Variants in ARF1 observed in about 807,000 individuals in gnomAD.
ARF1 encodes ADP-ribosylation factor 1.
Under a neutral mutation model 18.0 loss-of-function variants are expected in ARF1, and 1 was observed. The observed-to-expected ratio is 0.06, with a 90% CI of 0.02 to 0.26. The LOEUF (loss-of-function observed/expected upper bound fraction) is 0.26, where lower values mean the gene tolerates loss of function less well. Ranked by LOEUF, ARF1 falls within the 10% of genes least tolerant of loss-of-function variation. The probability of loss-of-function intolerance (pLI) is 1.00; values close to 1 mark genes in which losing one functional copy is unlikely to be tolerated. For synonymous variants in ARF1, 112 were observed against 96.3 expected (o/e 1.16, Z -0.95); for missense variants, 73 against 247.2 (o/e 0.30, Z 4.73).
intron 1 of ARF1, among the ~76,000 whole-genome samples, chr1:228,087,924 A>C (rs950305477): frequency 6.6e-6 from 1 of 152,210 alleles, no homozygotes; most frequent in African/African-American, 2.4e-5. Flanking sequence ...GGGAAAGCAC[A>C]TCTGCAGATG....
intron 1 of ARF1, among the ~76,000 whole-genome samples, chr1:228,087,433 T>C (rs1360638632): frequency 1.3e-5 from 2 of 152,222 alleles, no homozygotes; most frequent in Admixed American, 6.5e-5. Context: ...TAAAATACTA[T>C]GAATACATCT....
At chr1:228,085,039 A>T (rs2032349937) in intron 1 of ARF1, among the ~76,000 whole-genome samples, 1 of 152,224 alleles carries the variant, frequency 6.6e-6, no homozygotes, top group Admixed American at 6.5e-5. Context: ...TCACCTCCGT[A>T]AATTCAAGAG....
At chr1:228,085,097 A>G (rs2032351467) in intron 1 of ARF1, among the ~76,000 whole-genome samples, 1 of 152,258 alleles carries the variant, frequency 6.6e-6, no homozygotes, top group South Asian at 2.1e-4. Context: ...GGAGAGAAAC[A>G]CGAAAAGGCC....
At chr1:228,095,418 G>C (rs1041648684) in intron 1 of ARF1, among the ~76,000 whole-genome samples, 1 of 152,216 alleles carries the variant, frequency 6.6e-6, no homozygotes, top group Admixed American at 6.5e-5. Flanking sequence ...CCCTGCTGCA[G>C]CTGCTCCCCT....
At position 228,089,415 on chromosome 1, in the gene ARF1, G is replaced by A. The variant is rs1002329854; in HGVS notation, c.-38+6650G>A. 1.3e-5 allele frequency among the ~76,000 whole-genome samples: 2 copies of A among 152,210 alleles called. No individual in the cohort carries two copies. Among genetic ancestry groups the A allele is most frequent in the Non-Finnish European group, 2.9e-5 (2 of 68,034 alleles). On this transcript the variant is annotated intron_variant, in intron 1 of 4. Transcript: ENST00000272102. This position sits in a 1 kb window ranked among gnomAD's most constrained non-coding sequence, Gnocchi z 4.1. ...TACATGTCTGACTGACCAGAGTGGG[G>A]TGGGGTGGCAAGGTGGTGCTCGTCC...
chr1:228,098,221 T>A lies in ARF1; in HGVS notation c.*208T>A. On this transcript the variant is annotated 3_prime_UTR_variant, in exon 5 of 5. Transcript: ENST00000272102. ...TTGTTTCCAATGAGGCAGTTTCTGG[T>A]ACTCCTATGCAATATTACTCAGCTT... The A allele has an allele frequency of 1.8e-6, 1 of 547,790 alleles. No homozygotes were observed. The allele number at this position is 547,790 out of a possible 1,614,324, so 33.9% of individuals were successfully genotyped here.
At position 228,089,832 on chromosome 1, in the gene ARF1, A is replaced by G. The variant is rs1262375044; in HGVS notation, c.-38+7067A>G. On this transcript the variant is annotated intron_variant, in intron 1 of 4. Transcript: ENST00000272102. The surrounding 1 kb of genome is among the most constrained non-coding windows in gnomAD (Gnocchi z 4.1). ...CACAATGGTGGGCCTATGTTCGTCCAGAACAGTGCCTGGCAGTAGCTCAGT... is the reference window on the plus strand; with the variant it reads ...CACAATGGTGGGCCTATGTTCGTCCGGAACAGTGCCTGGCAGTAGCTCAGT... Among the ~76,000 whole-genome samples the G allele has an allele frequency of 1.3e-5, 2 of 152,146 alleles. No homozygotes were observed. The highest frequency in any genetic ancestry group is 1.3e-4 in the Admixed American group (2 of 15,276).
rs764690724 is a variant in ARF1 at position 228,097,424 on chromosome 1, G to T, written c.231G>T (p.Leu77=). 27 of 1,614,080 alleles carry T rather than the reference G, an allele frequency of 1.7e-5. No homozygotes were observed. In the South Asian group the frequency reaches 3.0e-4, roughly 18 times the overall value. The change falls in exon 3 of 5, where the codon CTG becomes CTT. Residue 77 remains leucine (L), a synonymous_variant. Transcript: ENST00000272102. The surrounding 1 kb of genome is among the most constrained non-coding windows in gnomAD (Gnocchi z 8.1). ...GTGGCCAGGACAAGATCCGGCCCCTGTGGCGCCACTACTTCCAGAACACAC... is the reference window on the plus strand; with the variant it reads ...GTGGCCAGGACAAGATCCGGCCCCTTTGGCGCCACTACTTCCAGAACACAC... ...DVGGQDKIRP[L]WRHYFQNTQG... is the part of the protein sequence containing the mutation.
chr1:228,084,105 G>T (rs893469185), intron 1 of ARF1, among the ~76,000 whole-genome samples: 1 of 152,352 alleles, frequency 6.6e-6, no homozygotes, highest in Admixed American at 6.5e-5. Context: ...GTGCAGTTGT[G>T]TGCGGCCCCT....
chr1:228,096,133 TG>T (rs1440473786), intron 1 of ARF1, among the ~76,000 whole-genome samples: 3 of 152,176 alleles, frequency 2.0e-5, no homozygotes, highest in Non-Finnish European at 2.9e-5. Flanking sequence ...CGTAGCGTGC[TG>T]GGGTGACTGG....
At position 228,098,862 on chromosome 1, in the gene ARF1, A is replaced by G. The variant is rs939682831; in HGVS notation, c.*849A>G. 3.9e-5 allele frequency: 6 copies of G among 152,708 alleles called. No homozygotes were observed. The highest frequency in any genetic ancestry group is 3.3e-4 in the Admixed American group (5 of 15,292). 9.5% of individuals were successfully genotyped at this position (152,708 alleles called of 1,614,324 possible). On this transcript the variant is annotated 3_prime_UTR_variant, in exon 5 of 5. Coordinates refer to ENST00000272102, the MANE Select transcript of ARF1 (RefSeq NM_001658.4). Reference sequence around the variant, plus strand: ...GCAGGATGTCTGGGGCCTCACCAGCAGGAGCGCGTGCAAGCCGGGCAGGCG... The same window carrying G: ...GCAGGATGTCTGGGGCCTCACCAGCGGGAGCGCGTGCAAGCCGGGCAGGCG...
rs1387809439 is a variant in ARF1, at chr1:228,097,213, C to T, written c.99C>T (p.Ile33=). 1.9e-6 allele frequency: 3 copies of T among 1,613,900 alleles called. No homozygotes were observed. In the South Asian group the frequency reaches 3.3e-5, roughly 18 times the overall value. ...TGGATGCTGCAGGGAAGACCACGAT[C>T]CTCTACAAGCTTAAGCTGGGTGAGA... The part of the protein sequence containing the change: ...VGLDAAGKTT[I]LYKLKLGEIV... Residue 33 remains isoleucine, a synonymous_variant, in exon 2 of 5, where the codon ATC becomes ATT. Transcript: ENST00000272102. This position sits in a 1 kb window ranked among gnomAD's most constrained non-coding sequence, Gnocchi z 8.1.
In ARF1 at chr1:228,089,807, C is replaced by T. The variant is rs1472595373; in HGVS notation, c.-38+7042C>T. ...CAGGGCCCTGGATCCCCCAGCCCCA[C>T]ACAATGGTGGGCCTATGTTCGTCCA... On this transcript the variant is annotated intron_variant, in intron 1 of 4. Transcript: ENST00000272102. This position sits in a 1 kb window ranked among gnomAD's most constrained non-coding sequence, Gnocchi z 4.1. Among the ~76,000 whole-genome samples, 1 of 152,130 alleles carries T rather than the reference C, an allele frequency of 6.6e-6. No individual in the cohort carries two copies. Among genetic ancestry groups the T allele is most frequent in the African/African-American group, 2.4e-5 (1 of 41,412 alleles).
At position 228,084,208 on chromosome 1, in the gene ARF1, A is replaced by G. The variant is rs3754358; in HGVS notation, c.-38+1443A>G. 3.6e-3 allele frequency among the ~76,000 whole-genome samples: 554 copies of G among 152,328 alleles called. 11 individuals are homozygous for G. Among genetic ancestry groups the G allele is most frequent in the East Asian group, 0.03 (156 of 5,186 alleles). ...ATTTGAATTTTCACCAGCACTGCCTAGGTAGCCAGAACCATAAGGTCCTGA... is the reference window on the plus strand; with the variant it reads ...ATTTGAATTTTCACCAGCACTGCCTGGGTAGCCAGAACCATAAGGTCCTGA... On this transcript the variant is annotated intron_variant, in intron 1 of 4. Transcript: ENST00000272102.
chr1:228,093,325 T>C (rs1045734931), intron 1 of ARF1, among the ~76,000 whole-genome samples: 1 of 152,142 alleles, frequency 6.6e-6, no homozygotes, highest in Non-Finnish European at 1.5e-5. Flanking sequence ...TGCTGTGGAC[T>C]CTTTCTCCCT....
At position 228,087,931 on chromosome 1, in the gene ARF1, G is replaced by T. The variant is rs568655334; in HGVS notation, c.-38+5166G>T. On this transcript the variant is annotated intron_variant, in intron 1 of 4. Coordinates refer to ENST00000272102, the MANE Select transcript of ARF1 (RefSeq NM_001658.4). The stretch of plus-strand genomic sequence containing the variant: ...AATTTTTAGGGAAAGCACATCTGCA[G>T]ATGTGTACAGTTGATCTTCATGAGC... 5.3e-5 allele frequency among the ~76,000 whole-genome samples: 8 copies of T among 152,358 alleles called. No individual in the cohort carries two copies. In the East Asian group the frequency reaches 1.5e-3, roughly 29 times the overall value.
intron 1 of ARF1, among the ~76,000 whole-genome samples, chr1:228,087,046 G>C (rs1479040427): frequency 1.3e-5 from 2 of 152,156 alleles, no homozygotes; most frequent in Non-Finnish European, 2.9e-5. Context: ...CTGAGTTTGG[G>C]TTTTCCTATG....
chr1:228,086,054 G>A (rs1412732973), intron 1 of ARF1, among the ~76,000 whole-genome samples: 1 of 152,176 alleles, frequency 6.6e-6, no homozygotes, highest in Non-Finnish European at 1.5e-5. Flanking sequence ...TCCCAGAGTG[G>A]AGAGGGACTG....
intron 1 of ARF1, among the ~76,000 whole-genome samples, chr1:228,091,478 G>A (rs117972114): frequency 0.012 from 1,898 of 152,250 alleles, 53 homozygotes; most frequent in East Asian, 0.11. Context: ...AGTGGAACTC[G>A]CCTTCAGATG....
Sources: allele counts gnomAD v4.1 joint callset (sites outside exome capture counted in the v4.1 genomes callset), GRCh38; gene constraint gnomAD v4.1.1; non-coding constraint Gnocchi (gnomAD v3.1); transcripts MANE v1.5; gene names NCBI Gene and HGNC (gene_info 2026-07-23, HGNC 2026-07-21).